The following CTNNA3 variants were observed in gnomAD, a reference collection of about 807,000 sequenced individuals.
CTNNA3 encodes catenin alpha-3.
In CTNNA3, 76 loss-of-function variants were observed where a neutral mutation model predicts 95.7. That is an observed-to-expected ratio of 0.79 (90% confidence interval 0.66 to 0.96). CTNNA3 has a LOEUF of 0.96. Among genes scored for constraint, CTNNA3 ranks in the 40% least tolerant of loss-of-function variants. The pLI is 0.00. For missense variants in CTNNA3, 1,191 were observed against 1,089.8 expected (o/e 1.09, Z -1.31); for synonymous variants, 431 against 374.4 (o/e 1.15, Z -1.74).
intron 9 of CTNNA3, among the ~76,000 whole-genome samples, chr10:66,716,296 C>T (rs868814967): frequency 2.0e-5 from 3 of 152,064 alleles, no homozygotes; most frequent in Non-Finnish European, 1.5e-5. Context: ...AAACAATCCT[C>T]GATTCTGCAA....
chr10:67,429,424 C>A (rs1425073213), intron 5 of CTNNA3, among the ~76,000 whole-genome samples: 2 of 151,864 alleles, frequency 1.3e-5, no homozygotes, highest in African/African-American at 2.4e-5. Flanking sequence ...TATAAAGACC[C>A]AGAGTTCTGT....
chr10:67,728,420 GTATGTATA>G (rs1841256682), intron 1 of CTNNA3, among the ~76,000 whole-genome samples: 1 of 147,690 alleles, frequency 6.8e-6, no homozygotes, highest in African/African-American at 2.5e-5. Flanking sequence ...TATACTATAT[GTATGTATA>G]TATGTATATG....
At chr10:66,617,435 T>C (rs1157819031) in intron 10 of CTNNA3, among the ~76,000 whole-genome samples, 2 of 152,062 alleles carry the variant, frequency 1.3e-5, no homozygotes, top group African/African-American at 4.8e-5. Context: ...TAATCCAGCA[T>C]ATAAACAGAA....
At chr10:66,394,647 C>A (rs1251632454) in intron 11 of CTNNA3, among the ~76,000 whole-genome samples, 1 of 151,608 alleles carries the variant, frequency 6.6e-6, no homozygotes, top group Non-Finnish European at 1.5e-5. Context: ...GTGAGCAATT[C>A]TCCCATATTA....
intron 12 of CTNNA3, among the ~76,000 whole-genome samples, chr10:66,293,743 G>T (rs1490252323): frequency 1.4e-5 from 2 of 147,034 alleles, no homozygotes; most frequent in African/African-American, 5.1e-5. Context: ...TCGGCTCACT[G>T]CAACCTCCGC....
chr10:67,243,147 T>C (rs952538260), intron 5 of CTNNA3, among the ~76,000 whole-genome samples: 2 of 152,134 alleles, frequency 1.3e-5, no homozygotes, highest in African/African-American at 4.8e-5. Flanking sequence ...ATGTCCGAAG[T>C]TGAGCCCATT....
chr10:66,197,625 T>C (rs780844676), intron 13 of CTNNA3, among the ~76,000 whole-genome samples: 1 of 152,188 alleles, frequency 6.6e-6, no homozygotes, highest in Non-Finnish European at 1.5e-5. Context: ...GGACAAGATA[T>C]CAGATTTCTG....
At chr10:66,829,528 G>T (rs1381746939) in intron 7 of CTNNA3, among the ~76,000 whole-genome samples, 1 of 151,340 alleles carries the variant, frequency 6.6e-6, no homozygotes, top group East Asian at 2.0e-4. Context: ...CACAAGAATT[G>T]CTTAAACCCG....
At chr10:66,653,349 A>G (rs1411571407) in intron 9 of CTNNA3, among the ~76,000 whole-genome samples, 2 of 151,926 alleles carry the variant, frequency 1.3e-5, no homozygotes, top group Non-Finnish European at 2.9e-5. Flanking sequence ...CAAGAAAACT[A>G]TCCCATTTAT....
chr10:66,432,109 TA>T (rs1313175717), intron 11 of CTNNA3, among the ~76,000 whole-genome samples: 1 of 152,054 alleles, frequency 6.6e-6, no homozygotes, highest in Non-Finnish European at 1.5e-5. Context: ...AGAAATACTT[TA>T]TTGAAGTATG....
At chr10:66,799,646 A>AATATTTTTCAT (rs1841351497) in intron 7 of CTNNA3, among the ~76,000 whole-genome samples, 1 of 151,522 alleles carries the variant, frequency 6.6e-6, no homozygotes, top group African/African-American at 2.4e-5. Context: ...CACAAGTTTA[A>AATATTTTTCAT]TAAGAATCCC....
At chr10:67,429,694 T>G (rs978352477) in intron 5 of CTNNA3, among the ~76,000 whole-genome samples, 1 of 152,056 alleles carries the variant, frequency 6.6e-6, no homozygotes, top group African/African-American at 2.4e-5. Context: ...GTGTAGGTTT[T>G]TTTCTACATG....
intron 7 of CTNNA3, among the ~76,000 whole-genome samples, chr10:66,827,974 T>C (rs1433650217): frequency 6.6e-6 from 1 of 152,156 alleles, no homozygotes; most frequent in Non-Finnish European, 1.5e-5. Flanking sequence ...ATTGAGGTAC[T>C]AATCAAAATG....
chr10:66,374,606 CTTTTTTTTTT>C (rs58880058), intron 12 of CTNNA3, among the ~76,000 whole-genome samples: 15 of 88,124 alleles, frequency 1.7e-4, no homozygotes, highest in East Asian at 8.5e-4. Flanking sequence ...AAAGAAAAGC[CTTTTTTTTTT>C]TTTTTTTTTT....
intron 17 of CTNNA3, among the ~76,000 whole-genome samples, chr10:65,946,549 T>C (rs1013913350): frequency 3.3e-5 from 5 of 152,134 alleles, no homozygotes; most frequent in Admixed American, 1.3e-4. Flanking sequence ...AATTTATTAT[T>C]AAAAACATCA....
chr10:66,927,720 C>T lies in CTNNA3; in HGVS notation c.1048-152196G>A. ...TATCAGGCAATGAGATCGAAGCTTT[C>T]AGTGGACCCAGTGTTTTCCAGTGTG... On this transcript the variant is annotated intron_variant, in intron 7 of 17. Coordinates refer to ENST00000433211, the MANE Select transcript of CTNNA3 (RefSeq NM_013266.4). This position sits in a 1 kb window ranked among gnomAD's most constrained non-coding sequence, Gnocchi z 4.7. The T allele has an allele frequency of 6.2e-7, 1 of 1,614,196 alleles. No homozygotes were observed. The highest frequency in any genetic ancestry group is 8.5e-7 in the Non-Finnish European group (1 of 1,180,032).
intron 13 of CTNNA3, among the ~76,000 whole-genome samples, chr10:66,116,910 G>A (rs908563126): frequency 6.6e-5 from 10 of 152,064 alleles, no homozygotes; most frequent in Non-Finnish European, 1.2e-4. Flanking sequence ...ACAGCAAGGG[G>A]GAAGTCCGCA....
chr10:67,273,251 T>C (rs1054692058), intron 5 of CTNNA3, among the ~76,000 whole-genome samples: 1 of 151,940 alleles, frequency 6.6e-6, no homozygotes, highest in African/African-American at 2.4e-5. Flanking sequence ...AAGATAAAAA[T>C]AAATAAAAAT....
At chr10:66,149,774 TTA>T (rs140580543) in intron 13 of CTNNA3, among the ~76,000 whole-genome samples, 26,859 of 151,852 alleles carry the variant, frequency 0.18, 2,567 homozygotes, top group Admixed American at 0.25. Context: ...ATAAATTAAA[TTA>T]AGCTGAGTAT....
Sources: gnomAD v4.1 joint callset for allele counts (sites outside exome capture counted in the v4.1 genomes callset) on GRCh38, gnomAD v4.1.1 for gene constraint, Gnocchi (gnomAD v3.1) non-coding constraint, MANE v1.5 for transcripts, NCBI Gene and HGNC (gene_info 2026-07-23, HGNC 2026-07-21) for gene names.